EGFR: variants seen among roughly 807,000 people sequenced by gnomAD.
EGFR encodes the protein avian erythroblastic leukemia viral (v-erb-b) oncogene homolog.
EGFR carries 58 observed loss-of-function variants against 143.0 expected under a neutral mutation model. That is an observed-to-expected ratio of 0.41 (90% CI 0.33 to 0.50). The LOEUF (loss-of-function observed/expected upper bound fraction) is 0.50. Among genes scored for constraint, EGFR ranks in the 20% least tolerant of loss-of-function variants. EGFR has a pLI of 0.39. For synonymous variants in EGFR, 613 were observed against 594.4 expected (o/e 1.03, Z -0.45); for missense variants, 1,307 against 1,579.0 (o/e 0.83, Z 2.92).
At chr7:55,117,345 A>G (rs1584082660) in intron 1 of EGFR, among the ~76,000 whole-genome samples, 1 of 152,230 alleles carries the variant, frequency 6.6e-6, no homozygotes, top group South Asian at 2.1e-4. Context: ...ATGGTACCCA[A>G]TGAAAGACAT....
intron 15 of EGFR, chr7:55,168,569 G>A (rs757860312): frequency 2.5e-6 from 4 of 1,612,188 alleles, no homozygotes; most frequent in Admixed American, 1.7e-5. Flanking sequence ...CACTAAAACT[G>A]CATTTCCTTT....
chr7:55,136,593 A>G lies in EGFR; in HGVS notation c.89-5693A>G, dbSNP rs543956456. Reference sequence around the variant, plus strand: ...TGTACACACACACACACACATCCTTACAGACACTCCCCAGCTTACTACAGT... The same window carrying G: ...TGTACACACACACACACACATCCTTGCAGACACTCCCCAGCTTACTACAGT... On this transcript the variant is annotated intron_variant, in intron 1 of 27. Coordinates refer to ENST00000275493, the MANE Select transcript of EGFR (RefSeq NM_005228.5). Among the ~76,000 whole-genome samples, 16 of 152,340 alleles carry G rather than the reference A, an allele frequency of 1.1e-4. No homozygotes were observed. In the South Asian group the frequency reaches 3.3e-3, roughly 32 times the overall value.
chr7:55,103,288 T>C (rs1791928935), intron 1 of EGFR, among the ~76,000 whole-genome samples: 2 of 152,206 alleles, frequency 1.3e-5, no homozygotes, highest in Non-Finnish European at 2.9e-5. Context: ...AAATCTGAAT[T>C]GTGTGCTTAA....
chr7:55,160,968 C>G (rs1439165090), intron 12 of EGFR, among the ~76,000 whole-genome samples: 1 of 152,228 alleles, frequency 6.6e-6, no homozygotes, highest in Non-Finnish European at 1.5e-5. Context: ...TTCCATGGTG[C>G]CTAGCACACA....
intron 15 of EGFR, chr7:55,170,657 G>C: frequency 1.9e-6 from 3 of 1,596,294 alleles, no homozygotes; most frequent in Non-Finnish European, 2.5e-6. Flanking sequence ...CACTCCCTTT[G>C]CCAGTGCCTC....
rs765496858 is a variant in EGFR, at chr7:55,201,351, C to A, written c.3110C>A (p.Ser1037Tyr). ...ACGTCACGGACTCCCCTCCTGAGCT[C>A]TCTGGTATGAAATCTCTGTCTCTCT... is the stretch of plus-strand genomic sequence containing the variant. Reference protein sequence around the residue: ...PSTSRTPLLSSLSATSNNSTV... With the variant: ...PSTSRTPLLSYLSATSNNSTV... Residue 1037 changes from serine to tyrosine, a missense_variant, in exon 25 of 28, where the codon TCT becomes TAT. Ser to Tyr is a moderately radical substitution (Grantham distance 144, BLOSUM62 -2). Around this residue, in one of 7 missense-constraint regions of EGFR, gnomAD observed 313 missense variants for 312.3 expected, o/e 1.00. Coordinates refer to ENST00000275493, the MANE Select transcript of EGFR (RefSeq NM_005228.5). 3 of 1,614,134 alleles carry A rather than the reference C, an allele frequency of 1.9e-6. No homozygotes were observed. The highest frequency in any genetic ancestry group is 1.1e-5 in the South Asian group (1 of 91,078).
At chr7:55,193,542 C>A (rs543914528) in intron 22 of EGFR, among the ~76,000 whole-genome samples, 1 of 152,272 alleles carries the variant, frequency 6.6e-6, no homozygotes, top group South Asian at 2.1e-4. Context: ...TCTCTGACCG[C>A]TGTGCCAGGC....
At chr7:55,087,541 G>A (rs2128893117) in intron 1 of EGFR, among the ~76,000 whole-genome samples, 1 of 152,308 alleles carries the variant, frequency 6.6e-6, no homozygotes, top group South Asian at 2.1e-4. Context: ...TGTTTAAAAG[G>A]TATGGCAAAA....
At chr7:55,043,821 C>G (rs1387020465) in intron 1 of EGFR, 1 of 152,232 alleles carries the variant, frequency 6.6e-6, no homozygotes, top group Non-Finnish European at 1.5e-5. Flanking sequence ...CTTCATTCCT[C>G]TTGCTTTGCA....
intron 15 of EGFR, chr7:55,170,403 G>A (rs370071208): frequency 5.0e-6 from 8 of 1,614,060 alleles, no homozygotes; most frequent in Admixed American, 3.3e-5. Context: ...ACCAGAGCGG[G>A]AGCCCAGCTG....
chr7:55,079,430 T>G (rs1696126958), intron 1 of EGFR, among the ~76,000 whole-genome samples: 1 of 152,202 alleles, frequency 6.6e-6, no homozygotes, highest in Non-Finnish European at 1.5e-5. Flanking sequence ...TGGACTGTGT[T>G]AGGATTGCAC....
rs17336974 is a variant in EGFR, at chr7:55,170,284, T to C, written c.1881-891T>C. ...TCCCCAGGCCTCTCACATATTGAAA[T>C]GTACTTGTCCATCTTTCTCCAGGCC... On this transcript the variant is annotated intron_variant, in intron 15 of 27. Coordinates refer to ENST00000275493, the MANE Select transcript of EGFR (RefSeq NM_005228.5). 0.028 allele frequency: 45,385 copies of C among 1,613,992 alleles called. 723 individuals carry two copies. The highest frequency in any genetic ancestry group is 0.034 in the Non-Finnish European group (39,964 of 1,179,984).
At chr7:55,077,686 A>C (rs1790208855) in intron 1 of EGFR, among the ~76,000 whole-genome samples, 1 of 152,166 alleles carries the variant, frequency 6.6e-6, no homozygotes. Context: ...GAGAACTAGG[A>C]AACAGGCGGT....
At chr7:55,047,400 T>C (rs1024597995) in intron 1 of EGFR, among the ~76,000 whole-genome samples, 4 of 152,376 alleles carry the variant, frequency 2.6e-5, no homozygotes, top group African/African-American at 9.6e-5. Context: ...TCAATCAAAA[T>C]GTTTTTAAGT....
rs1260041771 is a variant in EGFR, at chr7:55,205,677, A to C, written c.*60A>C. On this transcript the variant is annotated 3_prime_UTR_variant, in exon 28 of 28. Coordinates refer to ENST00000275493, the MANE Select transcript of EGFR (RefSeq NM_005228.5). ...CTCTTTCGATACCCAGGACCAAGCC[A>C]CAGCAGGTCCTCCATCCCAACAGCC... 6.2e-7 allele frequency: 1 copy of C among 1,613,088 alleles called. No individual in the cohort carries two copies. Among genetic ancestry groups the C allele is most frequent in the East Asian group, 2.2e-5 (1 of 44,884 alleles).
chr7:55,079,166 CG>C (rs1790313600), intron 1 of EGFR, among the ~76,000 whole-genome samples: 1 of 151,924 alleles, frequency 6.6e-6, no homozygotes, highest in Non-Finnish European at 1.5e-5. Context: ...TAAGGCTGGG[CG>C]GGGGCGGGAA....
intron 5 of EGFR, 22 bp from the exon 6 acceptor site, chr7:55,152,524 G>A: frequency 6.2e-7 from 1 of 1,607,720 alleles, no homozygotes; most frequent in Non-Finnish European, 8.5e-7. Context: ...TCAGCTCACA[G>A]GGAACCTTTG....
intron 1 of EGFR, among the ~76,000 whole-genome samples, chr7:55,090,108 A>G (rs1310632704): frequency 6.6e-6 from 1 of 152,106 alleles, no homozygotes; most frequent in Non-Finnish European, 1.5e-5. Flanking sequence ...AGCTGAGATT[A>G]CAGGCACGTG....
At chr7:55,174,064 C>T (rs1318787711) in intron 18 of EGFR, 21 bp downstream of exon 18, 7 of 1,614,008 alleles carry the variant, frequency 4.3e-6, no homozygotes, top group Non-Finnish European at 5.9e-6. Context: ...TGGCACAGGC[C>T]TCTGGGCTGG....
Sources: gnomAD v4.1 joint callset for allele counts (sites outside exome capture counted in the v4.1 genomes callset) on GRCh38, gnomAD v4.1.1 for gene constraint, gnomAD v4.1.1 regional missense constraint, MANE v1.5 for transcripts, NCBI Gene and HGNC (gene_info 2026-07-23, HGNC 2026-07-21) for gene names.